Variants in DISP1 observed in about 807,000 individuals in gnomAD.
The protein encoded by DISP1 is dispatched RND transporter family member 1.
Under a neutral mutation model 37.3 loss-of-function variants are expected in DISP1, and 30 were observed. The observed-to-expected ratio is 0.80, with a 90% CI of 0.60 to 1.09. The LOEUF is 1.09. DISP1 is among the 50% of genes least tolerant of loss of function. The pLI is 0.00. For synonymous variants in DISP1, 634 were observed against 690.2 expected (o/e 0.92, Z 1.28); for missense variants, 1,598 against 1,879.5 (o/e 0.85, Z 2.77).
intron 1 of DISP1, among the ~76,000 whole-genome samples, chr1:222,816,490 A>T (rs1661277423): frequency 6.6e-6 from 1 of 152,204 alleles, no homozygotes; most frequent in Admixed American, 6.5e-5. Context: ...CACATTTCAA[A>T]TGTTAGAAGT....
intron 1 of DISP1, among the ~76,000 whole-genome samples, chr1:222,875,583 C>T (rs1411812678): frequency 2.1e-5 from 3 of 145,058 alleles, no homozygotes; most frequent in Non-Finnish European, 4.5e-5. Context: ...CTTTGGGAGG[C>T]TGAGGTGGGC....
chr1:222,885,469 C>CTTT (rs759594613), intron 1 of DISP1, among the ~76,000 whole-genome samples: 5 of 132,860 alleles, frequency 3.8e-5, no homozygotes, highest in African/African-American at 1.4e-4. Flanking sequence ...GATTTCTTTT[C>CTTT]TTTTTTTTTT....
rs1675813364 is a variant in DISP1, at chr1:222,958,801, GA to G, written c.509+15473del. On this transcript the variant is annotated intron_variant, in intron 3 of 8. Transcript: ENST00000675850. ...GTATCCCATAAAGGTTTCAAAATGGGAAAAGATGAACATTTTGAAGTCATAT... is the reference window on the plus strand; with the variant it reads ...GTATCCCATAAAGGTTTCAAAATGGGAAAGATGAACATTTTGAAGTCATAT... 2.6e-5 allele frequency among the ~76,000 whole-genome samples: 4 copies of G among 152,180 alleles called. No homozygotes were observed. The South Asian group carries it at 8.3e-4, about 32-fold the overall frequency.
At chr1:222,839,680 A>G (rs1333110998) in intron 1 of DISP1, among the ~76,000 whole-genome samples, 1 of 152,142 alleles carries the variant, frequency 6.6e-6, no homozygotes, top group Admixed American at 6.5e-5. Context: ...CATACCTGTA[A>G]TCTCAGCACT....
At chr1:222,937,772 G>C (rs919287253) in intron 2 of DISP1, among the ~76,000 whole-genome samples, 1 of 142,076 alleles carries the variant, frequency 7.0e-6, no homozygotes, top group African/African-American at 2.7e-5. Flanking sequence ...CACATCTCAA[G>C]CCAATGCTTC....
At chr1:222,836,742 A>AATATATATATAT (rs67076863) in intron 1 of DISP1, among the ~76,000 whole-genome samples, 2 of 144,548 alleles carry the variant, frequency 1.4e-5, no homozygotes, top group African/African-American at 2.6e-5. Flanking sequence ...AATTAAAAAG[A>AATATATATATAT]ATATATATAT....
chr1:222,967,926 C>T (rs728006), intron 3 of DISP1, among the ~76,000 whole-genome samples: 41,870 of 151,940 alleles, frequency 0.28, 5,949 homozygotes, highest in South Asian at 0.34. Context: ...TTTAATCCTC[C>T]GGTCTTTCAC....
intron 1 of DISP1, among the ~76,000 whole-genome samples, chr1:222,908,682 C>G (rs1244281717): frequency 6.6e-6 from 1 of 152,220 alleles, no homozygotes; most frequent in Non-Finnish European, 1.5e-5. Context: ...GCACGAGCCA[C>G]TGTGCTTGGC....
intron 3 of DISP1, among the ~76,000 whole-genome samples, chr1:222,949,126 G>T (rs1356427424): frequency 6.6e-6 from 1 of 152,120 alleles, no homozygotes; most frequent in Non-Finnish European, 1.5e-5. Flanking sequence ...AGGCGTGGTG[G>T]CTTGAGCTTG....
intron 1 of DISP1, among the ~76,000 whole-genome samples, chr1:222,897,501 A>T (rs764635364): frequency 6.6e-6 from 1 of 152,218 alleles, no homozygotes; most frequent in Non-Finnish European, 1.5e-5. Flanking sequence ...TTAAAAATAA[A>T]AACATGAAAC....
chr1:222,891,582 A>C (rs67864344), intron 1 of DISP1, among the ~76,000 whole-genome samples: 1 of 151,916 alleles, frequency 6.6e-6, no homozygotes, highest in African/African-American at 2.4e-5. Flanking sequence ...AACAAAAAAA[A>C]CAAAAAAGCA....
intron 4 of DISP1, chr1:222,989,498 A>G: frequency 1.0e-6 from 1 of 985,420 alleles, no homozygotes; most frequent in Non-Finnish European, 1.2e-6. Context: ...CATGGAAGGG[A>G]TACAGAAACA....
chr1:222,963,796 G>A (rs959684099), intron 3 of DISP1, among the ~76,000 whole-genome samples: 3 of 151,976 alleles, frequency 2.0e-5, no homozygotes, highest in African/African-American at 7.3e-5. Context: ...GAACTTAGAA[G>A]ATGGGTCAAT....
intron 1 of DISP1, among the ~76,000 whole-genome samples, chr1:222,833,615 G>T (rs931186509): frequency 6.6e-6 from 1 of 152,136 alleles, no homozygotes; most frequent in African/African-American, 2.4e-5. Context: ...CCCTTTAATT[G>T]CTTTCCTCCT....
intron 8 of DISP1, among the ~76,000 whole-genome samples, chr1:223,001,965 C>T (rs938942207): frequency 1.3e-5 from 2 of 152,174 alleles, no homozygotes; most frequent in African/African-American, 4.8e-5. Context: ...AAATTTGTTT[C>T]ATATATCAAG....
chr1:222,909,654 A>T (rs1212108011), intron 1 of DISP1, among the ~76,000 whole-genome samples: 2 of 152,202 alleles, frequency 1.3e-5, no homozygotes, highest in Non-Finnish European at 2.9e-5. Flanking sequence ...CAACAAAAGG[A>T]TATAAAAGAT....
chr1:222,957,145 TAAAAA>T (rs35888809), intron 3 of DISP1, among the ~76,000 whole-genome samples: 2 of 103,268 alleles, frequency 1.9e-5, no homozygotes, highest in East Asian at 2.8e-4. Flanking sequence ...TTTACTATTG[TAAAAA>T]AAAAAAAAAA....
intron 3 of DISP1, among the ~76,000 whole-genome samples, chr1:222,948,052 A>T (rs1375006162): frequency 6.6e-6 from 1 of 152,206 alleles, no homozygotes; most frequent in Non-Finnish European, 1.5e-5. Context: ...TGGCTTGAGC[A>T]ACTGGTTGGG....
At chr1:222,979,728 T>G (rs1677695023) in intron 3 of DISP1, 1 of 467,034 alleles carries the variant, frequency 2.1e-6, no homozygotes, top group Admixed American at 2.4e-5. Context: ...CTCACTGGAG[T>G]GGCCCTGCAC....
Sources: allele counts gnomAD v4.1 joint callset (sites outside exome capture counted in the v4.1 genomes callset), GRCh38; gene constraint gnomAD v4.1.1; transcripts MANE v1.5; gene names NCBI Gene and HGNC (gene_info 2026-07-23, HGNC 2026-07-21).